GFRA2: variants seen among roughly 807,000 people sequenced by gnomAD.
GFRA2 encodes the protein GDNF family receptor alpha 2.
Under a neutral mutation model 48.3 loss-of-function variants are expected in GFRA2, and 17 were observed. That is an observed-to-expected ratio of 0.35 (90% confidence interval 0.24 to 0.53). The LOEUF (loss-of-function observed/expected upper bound fraction) is 0.53, where lower values mean the gene tolerates loss of function less well. Among genes scored for constraint, GFRA2 ranks in the 20% least tolerant of loss-of-function variants. The pLI is 0.93. For missense variants in GFRA2, 660 were observed against 637.3 expected (o/e 1.04, Z -0.38); for synonymous variants, 305 against 257.2 (o/e 1.19, Z -1.78).
intron 3 of GFRA2, among the ~76,000 whole-genome samples, chr8:21,751,158 C>T (rs896172006): frequency 1.3e-5 from 2 of 152,132 alleles, no homozygotes; most frequent in South Asian, 2.1e-4. Flanking sequence ...GTTGAGGGAG[C>T]GCTTAGGAAG....
chr8:21,773,615 C>T (rs1806546230), intron 3 of GFRA2, among the ~76,000 whole-genome samples: 1 of 152,192 alleles, frequency 6.6e-6, no homozygotes, highest in Non-Finnish European at 1.5e-5. Context: ...CTCAAACCTT[C>T]AAGACAAAAT....
At chr8:21,794,745 C>G (rs974968818) in intron 2 of GFRA2, among the ~76,000 whole-genome samples, 5 of 152,114 alleles carry the variant, frequency 3.3e-5, no homozygotes, top group African/African-American at 1.2e-4. Context: ...GGCAAGTTGA[C>G]CCCTCGCCAA....
At chr8:21,789,322 G>A (rs1272220726), upstream of GFRA2, 1 of 152,568 alleles carries the variant, frequency 6.6e-6, no homozygotes, top group African/African-American at 2.4e-5. Flanking sequence ...CCACCCTGGG[G>A]ACCGGCTGCG....
intron 3 of GFRA2, among the ~76,000 whole-genome samples, chr8:21,768,367 G>T (rs909111354): frequency 6.6e-6 from 1 of 152,206 alleles, no homozygotes; most frequent in East Asian, 1.9e-4. Context: ...ACCATGAAGG[G>T]GGCAGGGAGA....
At chr8:21,739,605 A>G (rs1804651403) in intron 4 of GFRA2, among the ~76,000 whole-genome samples, 2 of 152,208 alleles carry the variant, frequency 1.3e-5, no homozygotes, top group South Asian at 4.1e-4. Context: ...AGCTGGATCC[A>G]GGACACCCAG....
At chr8:21,743,724 C>T (rs1035118405) in intron 4 of GFRA2, among the ~76,000 whole-genome samples, 30 of 152,328 alleles carry the variant, frequency 2.0e-4, no homozygotes, top group African/African-American at 7.0e-4. Flanking sequence ...TTCCGTGGAA[C>T]ATCCATGCTG....
chr8:21,768,955 C>G (rs1448095643), intron 3 of GFRA2, among the ~76,000 whole-genome samples: 3 of 152,184 alleles, frequency 2.0e-5, no homozygotes, highest in African/African-American at 7.2e-5. Flanking sequence ...AGCCATGATG[C>G]CACCAGGAAC....
chr8:21,792,705 T>G (rs1196041880), upstream of GFRA2, among the ~76,000 whole-genome samples: 1 of 152,094 alleles, frequency 6.6e-6, no homozygotes, highest in Non-Finnish European at 1.5e-5. Context: ...TGGGTAGAAT[T>G]TGGCTGAGCA....
At chr8:21,773,777 C>T (rs1234233926) in intron 3 of GFRA2, among the ~76,000 whole-genome samples, 1 of 152,216 alleles carries the variant, frequency 6.6e-6, no homozygotes, top group Non-Finnish European at 1.5e-5. Flanking sequence ...ATGCTTTCAG[C>T]TCACAGTTTA....
At chr8:21,739,609 C>T (rs1322608450) in intron 4 of GFRA2, among the ~76,000 whole-genome samples, 2 of 152,302 alleles carry the variant, frequency 1.3e-5, no homozygotes, top group East Asian at 1.9e-4. Flanking sequence ...GGATCCAGGA[C>T]ACCCAGGCGC....
intron 4 of GFRA2, among the ~76,000 whole-genome samples, chr8:21,744,780 A>G (rs563177498): frequency 6.6e-6 from 1 of 152,234 alleles, no homozygotes; most frequent in African/African-American, 2.4e-5. Context: ...GTCTCTCCTG[A>G]CCTATCCCTA....
chr8:21,800,925 CAA>C (rs34924711), intron 2 of GFRA2, among the ~76,000 whole-genome samples: 246 of 112,484 alleles, frequency 2.2e-3, no homozygotes, highest in Admixed American at 3.0e-3. Flanking sequence ...GACCTGGTGT[CAA>C]AAAAAAAAAA....
chr8:21,752,541 C>G (rs1805345631), intron 3 of GFRA2, among the ~76,000 whole-genome samples: 1 of 152,228 alleles, frequency 6.6e-6, no homozygotes, highest in South Asian at 2.1e-4. Context: ...TCTACATGCA[C>G]CTGCTCCCTG....
At chr8:21,711,405 A>G (rs1803015591) in intron 4 of GFRA2, among the ~76,000 whole-genome samples, 1 of 152,230 alleles carries the variant, frequency 6.6e-6, no homozygotes, top group Non-Finnish European at 1.5e-5. Context: ...GCTGAGACCA[A>G]GCTAAGTCTG....
intron 2 of GFRA2, among the ~76,000 whole-genome samples, chr8:21,795,538 G>A (rs1054724508): frequency 4.6e-5 from 7 of 152,060 alleles, no homozygotes; most frequent in Middle Eastern, 3.2e-3. Flanking sequence ...AATTACAGGC[G>A]TGTGCTGCCT....
At chr8:21,791,513 C>T (rs1159216785), upstream of GFRA2, among the ~76,000 whole-genome samples, 1 of 152,184 alleles carries the variant, frequency 6.6e-6, no homozygotes, top group Non-Finnish European at 1.5e-5. Flanking sequence ...TGGCATCATC[C>T]CTTATTTCCT....
chr8:21,807,508 A>G (rs549757152), intron 1 of GFRA2, among the ~76,000 whole-genome samples: 1 of 152,356 alleles, frequency 6.6e-6, no homozygotes, highest in African/African-American at 2.4e-5. Context: ...AAAGTACTGT[A>G]AACTGGGTAG....
chr8:21,727,708 T>C (rs1803946887), intron 4 of GFRA2, among the ~76,000 whole-genome samples: 1 of 152,014 alleles, frequency 6.6e-6, no homozygotes, highest in Admixed American at 6.5e-5. Flanking sequence ...GACGGCAGCC[T>C]CCCCGCTGGG....
Position 21,788,766 on chromosome 8 carries a change from C to T in GFRA2, c.-607G>A. On this transcript the variant is annotated 5_prime_UTR_variant, in exon 1 of 9. Coordinates refer to ENST00000524240, the MANE Select transcript of GFRA2 (RefSeq NM_001495.5). ...TAACCCTTGCTCGGCTCACTTTTTT[C>T]TAATGGAATTCCAGTGACCGTGTGT... The T allele has an allele frequency of 3.0e-6, 3 of 985,244 alleles. No homozygotes were observed. The highest frequency in any genetic ancestry group is 3.6e-6 in the Non-Finnish European group (3 of 829,930). 61.0% of individuals were successfully genotyped at this position (985,244 alleles called of 1,614,324 possible).
Sources: gnomAD v4.1 joint callset for allele counts (sites outside exome capture counted in the v4.1 genomes callset) on GRCh38, gnomAD v4.1.1 for gene constraint, MANE v1.5 for transcripts, NCBI Gene and HGNC (gene_info 2026-07-23, HGNC 2026-07-21) for gene names.